AP4S1: variants seen among roughly 807,000 people sequenced by gnomAD.
AP4S1 encodes the protein AP-4 complex subunit sigma-1.
AP4S1 carries 23 observed loss-of-function variants against 19.8 expected under a neutral mutation model. The ratio of observed to expected loss-of-function variants is 1.16; its 90% CI spans 0.84 to 1.65. The LOEUF (loss-of-function observed/expected upper bound fraction) is 1.65, where lower values mean the gene tolerates loss of function less well. AP4S1 is among the 40% of genes most tolerant of loss of function. The pLI is 0.00. For missense variants in AP4S1, 166 were observed against 172.8 expected (o/e 0.96, Z 0.22); for synonymous variants, 46 against 54.1 (o/e 0.85, Z 0.66).
intron 5 of AP4S1, among the ~76,000 whole-genome samples, chr14:31,086,754 T>C (rs1330516422): frequency 6.6e-6 from 1 of 152,110 alleles, no homozygotes; most frequent in Non-Finnish European, 1.5e-5. Context: ...GTAAACCAGC[T>C]CCACTTTCCT....
chr14:31,095,234 AC>A lies in AP4S1; in HGVS notation c.*2201del, dbSNP rs1441814520. 3 of 152,234 alleles carry A rather than the reference AC, an allele frequency of 2.0e-5. No homozygotes were observed. The highest frequency in any genetic ancestry group is 6.5e-5 in the Admixed American group (1 of 15,284). The allele number at this position is 152,234 out of a possible 1,614,324, so 9.4% of individuals were successfully genotyped here. A position where few individuals can be genotyped will look rare whatever the true frequency, so the allele number is the denominator to read the frequency against. Reference sequence around the variant, plus strand: ...AAACAAAAAAACTTTTATAACATGTACCTAACAAAGATGCAGAGTTAAATTT... The same window carrying A: ...AAACAAAAAAACTTTTATAACATGTACTAACAAAGATGCAGAGTTAAATTT... On this transcript the variant is annotated 3_prime_UTR_variant, in exon 6 of 6. Transcript: ENST00000542754.
intron 1 of AP4S1, among the ~76,000 whole-genome samples, chr14:31,049,474 T>TACAC (rs1165169644): frequency 0.05 from 2,839 of 56,926 alleles, 109 homozygotes; most frequent in Middle Eastern, 0.094. Flanking sequence ...TATATATATG[T>TACAC]ACACACACAC....
At chr14:31,026,024 G>A (rs1421997961) in intron 1 of AP4S1, 2 of 1,540,508 alleles carry the variant, frequency 1.3e-6, no homozygotes, top group Non-Finnish European at 1.8e-6. Flanking sequence ...ACAGCTCGGG[G>A]CCTGCCGCGG....
chr14:31,032,780 C>T (rs1373723427), intron 1 of AP4S1, among the ~76,000 whole-genome samples: 2 of 152,070 alleles, frequency 1.3e-5, no homozygotes, highest in African/African-American at 2.4e-5. Context: ...ATGATCCGCC[C>T]GCCTCGGCCT....
intron 1 of AP4S1, among the ~76,000 whole-genome samples, chr14:31,056,087 T>C (rs1886097675): frequency 6.6e-6 from 1 of 152,006 alleles, no homozygotes; most frequent in African/African-American, 2.4e-5. Context: ...TCAAGTGATC[T>C]GCCCGCCTCG....
Position 31,025,782 on chromosome 14 carries a change from G to A in AP4S1, c.-77G>A, listed in dbSNP as rs78648016. 0.047 allele frequency: 63,612 copies of A among 1,365,960 alleles called. 2,472 individuals carry two copies. Among genetic ancestry groups the A allele is most frequent in the East Asian group, 0.21 (8,324 of 39,388 alleles). 84.6% of individuals were successfully genotyped at this position (1,365,960 alleles called of 1,614,324 possible). ...TGAGAGGACCATCACAACCTGAGCA[G>A]CACAGGTAGGTTCCGCTCGGCCTCC... On this transcript the variant is annotated 5_prime_UTR_variant, in exon 1 of 6. Coordinates refer to ENST00000542754, the MANE Select transcript of AP4S1 (RefSeq NM_001128126.3).
At chr14:31,054,385 T>C (rs1295337146) in intron 1 of AP4S1, among the ~76,000 whole-genome samples, 1 of 152,194 alleles carries the variant, frequency 6.6e-6, no homozygotes, top group Non-Finnish European at 1.5e-5. Context: ...AAATTTTTTT[T>C]TAATTAGCAG....
intron 1 of AP4S1, chr14:31,026,419 C>T (rs179743): frequency 0.53 from 52,934 of 100,026 alleles, 9,885 homozygotes; most frequent in South Asian, 0.66. Context: ...GGGGGGGCCT[C>T]GGCGGGAGGG....
intron 1 of AP4S1, among the ~76,000 whole-genome samples, chr14:31,046,556 A>G (rs1885415422): frequency 6.6e-6 from 1 of 152,180 alleles, no homozygotes; most frequent in African/African-American, 2.4e-5. Context: ...ACTTAGAAGT[A>G]GAATTGCGGC....
At chr14:31,049,947 A>G (rs1314289721) in intron 1 of AP4S1, among the ~76,000 whole-genome samples, 3 of 149,702 alleles carry the variant, frequency 2.0e-5, no homozygotes, top group African/African-American at 5.0e-5. Context: ...GTTTTGGAGG[A>G]GTCTCCCTCT....
chr14:31,060,953 G>A (rs1029196573), intron 1 of AP4S1, among the ~76,000 whole-genome samples: 2 of 151,884 alleles, frequency 1.3e-5, no homozygotes, highest in Middle Eastern at 3.4e-3. Context: ...GCAGTGGCAC[G>A]ATCTCGGTGC....
At chr14:31,036,882 C>T (rs1566511944) in intron 1 of AP4S1, among the ~76,000 whole-genome samples, 1 of 152,026 alleles carries the variant, frequency 6.6e-6, no homozygotes, top group Non-Finnish European at 1.5e-5. Flanking sequence ...GGTGCAATCT[C>T]GGCTCCTGTA....
At chr14:31,039,634 G>A (rs1472030623) in intron 1 of AP4S1, among the ~76,000 whole-genome samples, 3 of 148,730 alleles carry the variant, frequency 2.0e-5, no homozygotes, top group East Asian at 2.0e-4. Flanking sequence ...GTGCAGTGGC[G>A]CGATCTCGAC....
chr14:31,039,267 C>T (rs1180125842), intron 1 of AP4S1, among the ~76,000 whole-genome samples: 1 of 150,882 alleles, frequency 6.6e-6, no homozygotes, highest in African/African-American at 2.4e-5. Flanking sequence ...CTCACTGCAA[C>T]CTCCACCTCC....
At chr14:31,089,353 A>T (rs1888014583) in intron 5 of AP4S1, among the ~76,000 whole-genome samples, 1 of 152,154 alleles carries the variant, frequency 6.6e-6, no homozygotes, top group East Asian at 1.9e-4. Flanking sequence ...TGAGAAAGCA[A>T]GTTTTCCCAC....
intron 1 of AP4S1, among the ~76,000 whole-genome samples, chr14:31,054,926 C>CT (rs1886023796): frequency 7.0e-6 from 1 of 142,358 alleles, no homozygotes; most frequent in South Asian, 2.3e-4. Context: ...TAGTATGTGC[C>CT]TTTGACATGA....
intron 5 of AP4S1, among the ~76,000 whole-genome samples, chr14:31,089,461 A>G (rs1888017829): frequency 6.6e-6 from 1 of 152,238 alleles, no homozygotes; most frequent in Non-Finnish European, 1.5e-5. Context: ...CTAGAGTTAG[A>G]AATTGTAGTT....
chr14:31,091,936 G>A (rs1233575295), intron 5 of AP4S1, among the ~76,000 whole-genome samples: 1 of 152,174 alleles, frequency 6.6e-6, no homozygotes, highest in Non-Finnish European at 1.5e-5. Context: ...AACATTCATT[G>A]TCATCATCTC....
intron 5 of AP4S1, among the ~76,000 whole-genome samples, chr14:31,080,860 C>T (rs1887602608): frequency 4.6e-5 from 7 of 152,154 alleles, no homozygotes; most frequent in Admixed American, 4.6e-4. Flanking sequence ...CTGCTCACTG[C>T]AATTTCCACC....
Sources: gnomAD v4.1 joint callset for allele counts (sites outside exome capture counted in the v4.1 genomes callset) on GRCh38, gnomAD v4.1.1 for gene constraint, MANE v1.5 for transcripts, NCBI Gene and HGNC (gene_info 2026-07-23, HGNC 2026-07-21) for gene names.